The following GALNT16 variants were observed in gnomAD, a reference collection of about 807,000 sequenced individuals.
GALNT16 encodes polypeptide N-acetylgalactosaminyltransferase 16.
GALNT16 carries 40 observed loss-of-function variants against 76.1 expected under a neutral mutation model. The observed-to-expected ratio is 0.53, with a 90% CI of 0.41 to 0.68. The LOEUF is 0.68. Among genes scored for constraint, GALNT16 ranks in the 30% least tolerant of loss-of-function variants. The pLI is 0.00. For synonymous variants in GALNT16, 276 were observed against 285.2 expected (o/e 0.97, Z 0.32); for missense variants, 621 against 731.9 (o/e 0.85, Z 1.75).
intron 2 of GALNT16, among the ~76,000 whole-genome samples, chr14:69,321,985 T>C (rs1410241906): frequency 1.3e-5 from 2 of 152,218 alleles, no homozygotes; most frequent in Non-Finnish European, 2.9e-5. Context: ...ACAAAGGGTA[T>C]AGGTGAGGTG....
At chr14:69,325,446 T>C (rs561577185) in intron 4 of GALNT16, 42 bp downstream of exon 4, 5 of 1,162,948 alleles carry the variant, frequency 4.3e-6, no homozygotes, top group Admixed American at 3.4e-5. Flanking sequence ...CATTCCGCCC[T>C]CGTCCCTGTT....
chr14:69,316,524 G>C (rs1797547664), intron 1 of GALNT16, among the ~76,000 whole-genome samples: 1 of 152,250 alleles, frequency 6.6e-6, no homozygotes, highest in African/African-American at 2.4e-5. Flanking sequence ...CAGGGAATGA[G>C]AGGGTCGGGT....
intron 1 of GALNT16, among the ~76,000 whole-genome samples, chr14:69,268,131 C>G (rs2044363547): frequency 6.6e-6 from 1 of 152,158 alleles, no homozygotes; most frequent in Non-Finnish European, 1.5e-5. Flanking sequence ...GTGAGTGTGT[C>G]TGAGAATGCA....
chr14:69,304,290 G>C (rs940589343), intron 1 of GALNT16, among the ~76,000 whole-genome samples: 9 of 152,150 alleles, frequency 5.9e-5, no homozygotes, highest in African/African-American at 1.9e-4. Context: ...CTGCCCTCTT[G>C]ACAGAGTTGG....
intron 1 of GALNT16, among the ~76,000 whole-genome samples, chr14:69,286,923 T>G (rs147405818): frequency 6.2e-4 from 94 of 152,330 alleles, no homozygotes; most frequent in Non-Finnish European, 7.8e-4. Flanking sequence ...AGGCAGGTCT[T>G]GACTGGCATC....
At chr14:69,361,552 C>CACTG (rs2045723777), downstream of GALNT16, among the ~76,000 whole-genome samples, 1 of 152,214 alleles carries the variant, frequency 6.6e-6, no homozygotes, top group South Asian at 2.1e-4. Flanking sequence ...CACTTGAGGA[C>CACTG]ACTGAGGCCC....
chr14:69,377,040 G>C, the GALNT16 span, among the ~76,000 whole-genome samples: 4 of 152,188 alleles, frequency 2.6e-5, no homozygotes, highest in Admixed American at 2.6e-4. Flanking sequence ...ATGGCTGTGT[G>C]AACTGCCATG....
chr14:69,260,278 C>A lies in GALNT16; in HGVS notation c.-13C>A. 6.2e-7 allele frequency: 1 copy of A among 1,611,236 alleles called. No individual in the cohort carries two copies. Among genetic ancestry groups the A allele is most frequent in the Admixed American group, 1.7e-5 (1 of 59,930 alleles). ...CGGCCCAGTCCCCCACCTGGGGCGC[C>A]CGTCTGCCCACCATGAGGAAGATCC... On this transcript the variant is annotated 5_prime_UTR_variant, in exon 1 of 15. Coordinates refer to ENST00000448469, the MANE Select transcript of GALNT16 (RefSeq NM_001168368.2).
At chr14:69,372,103 C>T in the GALNT16 span, among the ~76,000 whole-genome samples, 1 of 152,024 alleles carries the variant, frequency 6.6e-6, no homozygotes, top group Non-Finnish European at 1.5e-5. Context: ...TATGGATGAG[C>T]AGGATGAGTA....
chr14:69,347,688 A>G (rs1305428459), intron 13 of GALNT16, among the ~76,000 whole-genome samples, 189 bp from the exon 14 acceptor site: 2 of 152,190 alleles, frequency 1.3e-5, no homozygotes, highest in African/African-American at 4.8e-5. Context: ...TTTTATTACC[A>G]AAAAATTCAA....
intron 1 of GALNT16, among the ~76,000 whole-genome samples, chr14:69,311,236 G>T (rs2140151143): frequency 6.6e-6 from 1 of 152,332 alleles, no homozygotes; most frequent in Admixed American, 6.5e-5. Context: ...CCTTGTTGCT[G>T]TGTATTCCAG....
intron 1 of GALNT16, among the ~76,000 whole-genome samples, chr14:69,284,346 T>C (rs1255162373): frequency 6.6e-6 from 1 of 152,084 alleles, no homozygotes; most frequent in African/African-American, 2.4e-5. Flanking sequence ...TGCACACAGA[T>C]AGGTATAAGG....
chr14:69,347,787 A>G (rs1307711487), intron 13 of GALNT16, 90 bp from the exon 14 acceptor site: 21 of 1,348,558 alleles, frequency 1.6e-5, no homozygotes, highest in Non-Finnish European at 2.1e-5. Flanking sequence ...TTACAAAAAT[A>G]TGCCGTGTTT....
chr14:69,275,576 G>A (rs1433779059), intron 1 of GALNT16, among the ~76,000 whole-genome samples: 1 of 152,230 alleles, frequency 6.6e-6, no homozygotes, highest in Non-Finnish European at 1.5e-5. Context: ...AGTGGAACTG[G>A]CCAGGCACAC....
At chr14:69,325,632 T>G (rs2045272203) in intron 4 of GALNT16, among the ~76,000 whole-genome samples, 1 of 152,196 alleles carries the variant, frequency 6.6e-6, no homozygotes. Flanking sequence ...GAGATGATAT[T>G]GTTTTTAAAA....
chr14:69,348,130 G>A (rs756009523), intron 14 of GALNT16, 128 bp downstream of exon 14: 2 of 886,306 alleles, frequency 2.3e-6, no homozygotes, highest in African/African-American at 3.3e-5. Flanking sequence ...CTGTGGGGAG[G>A]GGGAGCAAAG....
chr14:69,312,782 G>A (rs1165436280), intron 1 of GALNT16, among the ~76,000 whole-genome samples: 1 of 152,238 alleles, frequency 6.6e-6, no homozygotes, highest in African/African-American at 2.4e-5. Flanking sequence ...CTTGAGCCAA[G>A]GAAGGAAGCG....
intron 1 of GALNT16, among the ~76,000 whole-genome samples, chr14:69,275,548 T>C (rs192145323): frequency 9.5e-4 from 145 of 152,358 alleles, no homozygotes; most frequent in African/African-American, 3.3e-3. Flanking sequence ...TGCGCACATA[T>C]ACATCTCAAA....
chr14:69,260,993 G>A (rs2044262609), intron 1 of GALNT16, among the ~76,000 whole-genome samples: 4 of 152,192 alleles, frequency 2.6e-5, no homozygotes, highest in African/African-American at 9.7e-5. Flanking sequence ...TCTGAGCCGG[G>A]TCAACTTGAA....
Sources: allele counts gnomAD v4.1 joint callset (sites outside exome capture counted in the v4.1 genomes callset), GRCh38; gene constraint gnomAD v4.1.1; transcripts MANE v1.5; gene names NCBI Gene and HGNC (gene_info 2026-07-23, HGNC 2026-07-21).